Variants in IPCEF1 observed in about 807,000 individuals in gnomAD.
The protein encoded by IPCEF1 is interaction protein for cytohesin exchange factors 1.
Under a neutral mutation model 50.9 loss-of-function variants are expected in IPCEF1, and 31 were observed. The observed-to-expected ratio is 0.61, with a 90% CI of 0.46 to 0.82. The LOEUF (loss-of-function observed/expected upper bound fraction) is 0.82. Among genes scored for constraint, IPCEF1 ranks in the 40% least tolerant of loss-of-function variants. The pLI is 0.00. For missense variants in IPCEF1, 458 were observed against 514.0 expected, an observed-to-expected ratio of 0.89 and a Z score of 1.05; for synonymous variants, 181 against 192.0, an observed-to-expected ratio of 0.94 and a Z score of 0.47.
At chr6:154,346,666 A>G (rs150164161) in intron 1 of IPCEF1, among the ~76,000 whole-genome samples, 2,180 of 152,350 alleles carry the variant, frequency 0.014, 25 homozygotes, top group Middle Eastern at 0.071. Flanking sequence ...AACGGGAAGC[A>G]AACATGTCCT....
chr6:154,249,047 G>A (rs891798933), intron 3 of IPCEF1, among the ~76,000 whole-genome samples: 2 of 152,086 alleles, frequency 1.3e-5, no homozygotes, highest in African/African-American at 2.4e-5. Flanking sequence ...TCTGACCAAT[G>A]TTAGAGTAAA....
intron 9 of IPCEF1, among the ~76,000 whole-genome samples, chr6:154,204,281 T>C (rs1407332870): frequency 6.6e-6 from 1 of 152,120 alleles, no homozygotes; most frequent in East Asian, 1.9e-4. Context: ...AAAAATAGTT[T>C]AAAATGGCCA....
intron 1 of IPCEF1, among the ~76,000 whole-genome samples, chr6:154,349,435 T>C (rs1282424533): frequency 6.6e-6 from 1 of 151,842 alleles, no homozygotes; most frequent in Non-Finnish European, 1.5e-5. Context: ...ATACGTTGCT[T>C]GGGCTGTTCT....
At chr6:154,160,893 A>C (rs2128546994) in intron 11 of IPCEF1, among the ~76,000 whole-genome samples, 1 of 152,286 alleles carries the variant, frequency 6.6e-6, no homozygotes, top group Non-Finnish European at 1.5e-5. Flanking sequence ...CACTGCCTCC[A>C]ATGCCCACTT....
At chr6:154,258,163 G>A (rs147020987) in intron 3 of IPCEF1, among the ~76,000 whole-genome samples, 3,138 of 152,262 alleles carry the variant, frequency 0.021, 64 homozygotes, top group Admixed American at 0.069. Flanking sequence ...ACATCAGAAG[G>A]TGGTTAGTTC....
intron 1 of IPCEF1, among the ~76,000 whole-genome samples, chr6:154,356,303 C>T (rs1784216648): frequency 1.3e-5 from 2 of 152,188 alleles, no homozygotes; most frequent in Non-Finnish European, 2.9e-5. Flanking sequence ...AACACACTTT[C>T]TCGAAAGAGG....
intron 1 of IPCEF1, among the ~76,000 whole-genome samples, chr6:154,328,731 C>T (rs1477264502): frequency 6.6e-6 from 1 of 152,124 alleles, no homozygotes; most frequent in Non-Finnish European, 1.5e-5. Context: ...TCTCTTCAGG[C>T]CTAGTGTACT....
At chr6:154,234,686 C>T (rs537039264) in intron 5 of IPCEF1, among the ~76,000 whole-genome samples, 17 of 152,322 alleles carry the variant, frequency 1.1e-4, no homozygotes, top group African/African-American at 4.1e-4. Flanking sequence ...GCTAGCCACT[C>T]ACAATCTTTC....
At chr6:154,172,526 C>T (rs1290562210) in intron 10 of IPCEF1, among the ~76,000 whole-genome samples, 1 of 152,224 alleles carries the variant, frequency 6.6e-6, no homozygotes, top group East Asian at 1.9e-4. Flanking sequence ...CCCATGGAGC[C>T]TTGCTTGCTG....
intron 1 of IPCEF1, among the ~76,000 whole-genome samples, chr6:154,298,546 T>C (rs1041261768): frequency 6.6e-6 from 1 of 152,334 alleles, no homozygotes. Context: ...GCCCTGCTAA[T>C]TCAACTGAAA....
chr6:154,244,773 C>T (rs997910537), intron 5 of IPCEF1, among the ~76,000 whole-genome samples: 1 of 152,184 alleles, frequency 6.6e-6, no homozygotes. Flanking sequence ...GGACAGCAGC[C>T]AGAACATATT....
chr6:154,211,928 C>T (rs537657285), intron 9 of IPCEF1, among the ~76,000 whole-genome samples: 15 of 152,304 alleles, frequency 9.8e-5, no homozygotes, highest in African/African-American at 3.6e-4. Flanking sequence ...AAGACTTAGA[C>T]ACTTCACAAA....
rs541946982 is a variant in IPCEF1, at chr6:154,316,684, G to A, written c.-61-26928C>T. On this transcript the variant is annotated intron_variant, in intron 1 of 11. Transcript: ENST00000367220. ...TGAAACAGGAGAAATAAACTCAAGAGAGCTATTGTACAGCATGGTAAGTAC... is the reference window on the plus strand; with the variant it reads ...TGAAACAGGAGAAATAAACTCAAGAAAGCTATTGTACAGCATGGTAAGTAC... Among the ~76,000 whole-genome samples, 6 of 152,260 alleles carry A rather than the reference G, an allele frequency of 3.9e-5. No homozygotes were observed. In the East Asian group the frequency reaches 7.7e-4, roughly 20 times the overall value.
At chr6:154,238,788 C>T (rs1259311866) in intron 5 of IPCEF1, among the ~76,000 whole-genome samples, 3 of 151,990 alleles carry the variant, frequency 2.0e-5, no homozygotes, top group Non-Finnish European at 4.4e-5. Context: ...TCAAGTGATC[C>T]TCCCATCTCA....
chr6:154,191,779 TA>T (rs1305578021), intron 10 of IPCEF1, among the ~76,000 whole-genome samples: 1 of 152,164 alleles, frequency 6.6e-6, no homozygotes, highest in Non-Finnish European at 1.5e-5. Context: ...TTGCCAGTTG[TA>T]ACAAATGAAC....
intron 9 of IPCEF1, among the ~76,000 whole-genome samples, chr6:154,205,836 C>T (rs901866378): frequency 1.2e-4 from 19 of 152,142 alleles, no homozygotes; most frequent in Admixed American, 6.5e-4. Flanking sequence ...TCCTTTCTAA[C>T]ACATCATAAA....
intron 1 of IPCEF1, among the ~76,000 whole-genome samples, chr6:154,298,816 G>A (rs988559424): frequency 6.6e-6 from 1 of 152,048 alleles, no homozygotes; most frequent in African/African-American, 2.4e-5. Context: ...TACAAAATTA[G>A]CCAGGCATGG....
intron 11 of IPCEF1, among the ~76,000 whole-genome samples, chr6:154,165,266 CA>C (rs1799335714): frequency 6.6e-6 from 1 of 152,178 alleles, no homozygotes; most frequent in East Asian, 1.9e-4. Context: ...ACCCAGCACT[CA>C]GAAGCTCCAT....
intron 1 of IPCEF1, among the ~76,000 whole-genome samples, chr6:154,350,011 A>G (rs1784094905): frequency 6.6e-6 from 1 of 152,218 alleles, no homozygotes; most frequent in Admixed American, 6.5e-5. Flanking sequence ...AGAGATTCTT[A>G]TGTCACAGGG....
Sources: allele counts gnomAD v4.1 joint callset (sites outside exome capture counted in the v4.1 genomes callset), GRCh38; gene constraint gnomAD v4.1.1; transcripts MANE v1.5; gene names NCBI Gene and HGNC (gene_info 2026-07-23, HGNC 2026-07-21).